The following MAN2A1 variants were observed in gnomAD, a reference collection of about 807,000 sequenced individuals.
MAN2A1 encodes alpha-mannosidase 2.
Under a neutral mutation model 142.6 loss-of-function variants are expected in MAN2A1, and 76 were observed. The ratio of observed to expected loss-of-function variants is 0.53; its 90% CI spans 0.44 to 0.65. The LOEUF is 0.65. MAN2A1 is among the 30% of genes least tolerant of loss of function. The probability of loss-of-function intolerance (pLI) is 0.00; values close to 1 mark genes in which losing one functional copy is unlikely to be tolerated. For synonymous variants in MAN2A1, 559 were observed against 473.2 expected (o/e 1.18, Z -2.35); for missense variants, 1,311 against 1,365.1 (o/e 0.96, Z 0.62).
chr5:109,819,166 G>T (rs1345997191), intron 13 of MAN2A1, among the ~76,000 whole-genome samples: 1 of 152,140 alleles, frequency 6.6e-6, no homozygotes, highest in Non-Finnish European at 1.5e-5. Context: ...TATAAAATAT[G>T]ATTTGTGTTA....
At position 109,729,472 on chromosome 5, in the gene MAN2A1, G is replaced by A; in HGVS notation, c.666G>A (p.Trp222Ter). ...CTGAGATCTCTTACCTTTCAAAGTGGTGGGATATTATAGATATTCAGAAGA... is the reference window on the plus strand; with the variant it reads ...CTGAGATCTCTTACCTTTCAAAGTGATGGGATATTATAGATATTCAGAAGA... The part of the protein sequence containing the change: ...IWSEISYLSK[W>*]WDIIDIQKKD... Residue 222 changes from tryptophan (W) to a stop codon, truncating the protein, a stop_gained, in exon 4 of 22, where the codon TGG (tryptophan) becomes TGA (stop). Transcript: ENST00000261483. LOFTEE classifies it high-confidence loss of function. 6.3e-7 allele frequency: 1 copy of A among 1,586,762 alleles called. No individual in the cohort carries two copies. Among genetic ancestry groups the A allele is most frequent in the Non-Finnish European group, 8.6e-7 (1 of 1,168,160 alleles).
chr5:109,752,248 A>G (rs1752566701), intron 4 of MAN2A1, among the ~76,000 whole-genome samples: 1 of 152,186 alleles, frequency 6.6e-6, no homozygotes, highest in Non-Finnish European at 1.5e-5. Context: ...ATATCATCTC[A>G]TACCTAGATA....
chr5:109,793,867 C>T (rs997967493), intron 12 of MAN2A1, among the ~76,000 whole-genome samples: 2 of 152,138 alleles, frequency 1.3e-5, no homozygotes, highest in African/African-American at 2.4e-5. Flanking sequence ...TTGTTATGAT[C>T]AACATAGCCT....
chr5:109,788,125 C>A (rs768338964), intron 10 of MAN2A1, among the ~76,000 whole-genome samples: 2 of 150,922 alleles, frequency 1.3e-5, no homozygotes, highest in East Asian at 3.9e-4. Context: ...TAATTGAAAA[C>A]GTGATTAGCG....
intron 10 of MAN2A1, among the ~76,000 whole-genome samples, chr5:109,788,037 CTTG>C (rs568103429): frequency 6.7e-4 from 102 of 151,788 alleles, no homozygotes; most frequent in Admixed American, 2.2e-3. Context: ...TATAGGTTTT[CTTG>C]TTGTTGTTGC....
In MAN2A1 at chr5:109,713,596, A is replaced by G; in HGVS notation, c.212A>G (p.Asn71Ser). The G allele has an allele frequency of 6.2e-7, 1 of 1,614,176 alleles. No individual in the cohort carries two copies. The highest frequency in any genetic ancestry group is 8.5e-7 in the Non-Finnish European group (1 of 1,179,980). ...LLAENNEIIS[N>S]IRDSVINLSE... The stretch of plus-strand genomic sequence containing the variant: ...GCTGAGAATAATGAGATCATCTCAA[A>G]TATTAGAGACTCAGTCATCAATTTG... The change falls in exon 2 of 22, where the codon AAT (asparagine) becomes AGT (serine). Residue 71 changes from asparagine (N) to serine (S), a missense_variant. Around this residue, in one of 3 missense-constraint regions of MAN2A1, gnomAD observed 409 missense variants for 412.7 expected, o/e 0.99. Coordinates refer to ENST00000261483, the MANE Select transcript of MAN2A1 (RefSeq NM_002372.4).
chr5:109,833,528 G>A (rs1422135938), intron 16 of MAN2A1, among the ~76,000 whole-genome samples: 1 of 152,130 alleles, frequency 6.6e-6, no homozygotes, highest in African/African-American at 2.4e-5. Context: ...AAACCAGTCA[G>A]GCGTGGAGGC....
rs919324809 is a variant in MAN2A1 at position 109,868,465 on chromosome 5, A to G, written c.*1467A>G. ...TACAGTTTTGAAAATTCTCTTTGAG[A>G]TAATTGATTTCATATTCTGTGGCTT... On this transcript the variant is annotated 3_prime_UTR_variant, in exon 22 of 22. Coordinates refer to ENST00000261483, the MANE Select transcript of MAN2A1 (RefSeq NM_002372.4). 7 of 152,190 alleles carry G rather than the reference A, an allele frequency of 4.6e-5. No individual in the cohort carries two copies. The allele number at this position is 152,190 out of a possible 1,614,324, so 9.4% of individuals were successfully genotyped here.
chr5:109,861,884 G>T (rs1248646951), intron 20 of MAN2A1, among the ~76,000 whole-genome samples: 4 of 152,160 alleles, frequency 2.6e-5, no homozygotes, highest in Non-Finnish European at 1.5e-5. Context: ...GAAGACTAAG[G>T]GCTAATCCAG....
At position 109,842,405 on chromosome 5, in the gene MAN2A1, A is replaced by G; in HGVS notation, c.2644A>G (p.Ile882Val). The G allele has an allele frequency of 6.3e-7, 1 of 1,586,248 alleles. No homozygotes were observed. The highest frequency in any genetic ancestry group is 8.6e-7 in the Non-Finnish European group (1 of 1,156,514). The stretch of plus-strand genomic sequence containing the variant: ...ATATAACCGTGAGATTGCAATGAAA[A>G]TTTCTTCTGATATAAAAAGCCAAAA... ...KVYNREIAMKISSDIKSQNRF... is the reference protein window; with the variant it reads ...KVYNREIAMKVSSDIKSQNRF... Residue 882 changes from isoleucine (I) to valine (V), a missense_variant, in exon 17 of 22, where the codon ATT becomes GTT. Ile to Val is a conservative substitution (Grantham distance 29). This residue lies in a region of MAN2A1 where 890 missense variants were observed against 920.5 expected (regional missense o/e 0.97). Coordinates refer to ENST00000261483, the MANE Select transcript of MAN2A1 (RefSeq NM_002372.4).
chr5:109,705,886 C>G (rs1341569842), intron 1 of MAN2A1, among the ~76,000 whole-genome samples: 1 of 152,214 alleles, frequency 6.6e-6, no homozygotes, highest in Non-Finnish European at 1.5e-5. Context: ...ATCTCCCTCT[C>G]TGGCCTGACT....
chr5:109,815,971 T>C (rs1258505913), intron 12 of MAN2A1, among the ~76,000 whole-genome samples: 3 of 152,242 alleles, frequency 2.0e-5, no homozygotes, highest in Admixed American at 6.5e-5. Context: ...GAAATACTCT[T>C]CATTTGAAGA....
intron 16 of MAN2A1, among the ~76,000 whole-genome samples, chr5:109,827,876 C>A (rs530652228): frequency 9.2e-5 from 14 of 152,008 alleles, no homozygotes; most frequent in Non-Finnish European, 1.6e-4. Context: ...CCAAGGCAGG[C>A]GGATCACAAG....
At chr5:109,745,019 A>G (rs557460014) in intron 4 of MAN2A1, among the ~76,000 whole-genome samples, 1 of 152,266 alleles carries the variant, frequency 6.6e-6, no homozygotes, top group African/African-American at 2.4e-5. Flanking sequence ...ATATTGTTTG[A>G]TTTCCATTTT....
intron 12 of MAN2A1, among the ~76,000 whole-genome samples, chr5:109,808,196 C>A (rs1485253803): frequency 1.3e-5 from 2 of 152,136 alleles, no homozygotes; most frequent in Non-Finnish European, 2.9e-5. Context: ...GTCTTTATTA[C>A]TGAAAAGGAT....
intron 1 of MAN2A1, among the ~76,000 whole-genome samples, chr5:109,711,329 A>G (rs1048855502): frequency 6.6e-6 from 1 of 152,340 alleles, no homozygotes; most frequent in East Asian, 1.9e-4. Context: ...AGAATCTATC[A>G]GAAGGGATTT....
At chr5:109,707,477 A>G (rs1290314509) in intron 1 of MAN2A1, among the ~76,000 whole-genome samples, 1 of 152,150 alleles carries the variant, frequency 6.6e-6, no homozygotes, top group Non-Finnish European at 1.5e-5. Flanking sequence ...TAAAACAGCT[A>G]TGGTGCCTGT....
At chr5:109,859,962 ACT>A (rs1755715094) in intron 20 of MAN2A1, among the ~76,000 whole-genome samples, 2 of 150,354 alleles carry the variant, frequency 1.3e-5, no homozygotes, top group Non-Finnish European at 1.5e-5. Context: ...ATATATCTTA[ACT>A]CTTTCTCTAT....
chr5:109,775,068 C>A, intron 8 of MAN2A1, 103 bp downstream of exon 8: 1 of 723,786 alleles, frequency 1.4e-6, no homozygotes, highest in Non-Finnish European at 2.2e-6. Context: ...CATCACAGTG[C>A]TTCTTAGAAT....
Sources: gnomAD v4.1 joint callset for allele counts (sites outside exome capture counted in the v4.1 genomes callset) on GRCh38, gnomAD v4.1.1 for gene constraint, gnomAD v4.1.1 regional missense constraint, MANE v1.5 for transcripts, NCBI Gene and HGNC (gene_info 2026-07-23, HGNC 2026-07-21) for gene names.